CNTNAP2: variants seen among roughly 807,000 people sequenced by gnomAD.
The protein encoded by CNTNAP2 is contactin-associated protein-like 2.
A neutral mutation model predicts 155.2 loss-of-function variants in CNTNAP2; 98 were observed. The ratio of observed to expected loss-of-function variants is 0.63; its 90% CI spans 0.54 to 0.75. CNTNAP2 has a LOEUF of 0.75. CNTNAP2 is among the 30% of genes least tolerant of loss of function. The pLI is 0.00. For synonymous variants in CNTNAP2, 651 were observed against 631.2 expected, an observed-to-expected ratio of 1.03 and a Z score of -0.47; for missense variants, 1,727 against 1,688.1, an observed-to-expected ratio of 1.02 and a Z score of -0.40.
chr7:148,116,856 G>A (rs1234146296), intron 15 of CNTNAP2, among the ~76,000 whole-genome samples: 1 of 152,152 alleles, frequency 6.6e-6, no homozygotes, highest in African/African-American at 2.4e-5. Context: ...GATTCATTGT[G>A]CCTTTTGGAG....
intron 1 of CNTNAP2, among the ~76,000 whole-genome samples, chr7:146,712,336 T>TAGTATACATATCTTATGTATACTATAG (rs1801106738): frequency 1.6e-5 from 2 of 122,822 alleles, no homozygotes; most frequent in East Asian, 4.1e-4. Context: ...GTATACTATA[T>TAGTATACATATCTTATGTATACTATAG]AGTATACATA....
chr7:146,197,610 A>G (rs1220133516), intron 1 of CNTNAP2, among the ~76,000 whole-genome samples: 1 of 152,216 alleles, frequency 6.6e-6, no homozygotes, highest in Non-Finnish European at 1.5e-5. Context: ...CTTAAAATTT[A>G]AGTATAACTT....
At chr7:147,671,110 G>A (rs1584890779) in intron 13 of CNTNAP2, among the ~76,000 whole-genome samples, 1 of 152,222 alleles carries the variant, frequency 6.6e-6, no homozygotes, top group African/African-American at 2.4e-5. Context: ...GCGGATCCGA[G>A]TGAGTGGAGC....
chr7:146,870,622 A>G (rs1795287295), intron 3 of CNTNAP2, among the ~76,000 whole-genome samples: 1 of 152,186 alleles, frequency 6.6e-6, no homozygotes, highest in African/African-American at 2.4e-5. Flanking sequence ...CTGTGTGGAA[A>G]TCAGAGGCTG....
intron 13 of CNTNAP2, among the ~76,000 whole-genome samples, chr7:147,839,271 C>G (rs1015283536): frequency 6.6e-6 from 1 of 152,180 alleles, no homozygotes; most frequent in African/African-American, 2.4e-5. Flanking sequence ...CCCTCACAGA[C>G]ATACCCAGGA....
intron 1 of CNTNAP2, among the ~76,000 whole-genome samples, chr7:146,685,181 A>G (rs1178684475): frequency 6.6e-6 from 1 of 152,180 alleles, no homozygotes; most frequent in Non-Finnish European, 1.5e-5. Flanking sequence ...ACGAGTTGAC[A>G]TAAAAGAATG....
intron 13 of CNTNAP2, among the ~76,000 whole-genome samples, chr7:147,763,012 A>G (rs774368698): frequency 1.3e-5 from 2 of 152,140 alleles, no homozygotes; most frequent in Non-Finnish European, 1.5e-5. Flanking sequence ...TAATCCTAGC[A>G]TTTTGGGAGG....
intron 9 of CNTNAP2, among the ~76,000 whole-genome samples, chr7:147,306,523 G>T (rs1795029511): frequency 6.6e-6 from 1 of 152,132 alleles, no homozygotes; most frequent in Non-Finnish European, 1.5e-5. Context: ...ATAAGAGAGA[G>T]AACTTATCTC....
At chr7:146,754,219 C>G (rs980456793) in intron 1 of CNTNAP2, among the ~76,000 whole-genome samples, 5 of 151,892 alleles carry the variant, frequency 3.3e-5, no homozygotes, top group African/African-American at 1.2e-4. Context: ...CTATTTCTTC[C>G]AGAGACATTT....
At position 148,093,792 on chromosome 7, in the gene CNTNAP2, TGAGA is replaced by T. The variant is rs927242447; in HGVS notation, c.2384-24320_2384-24317del. Among the ~76,000 whole-genome samples the T allele has an allele frequency of 6.6e-5, 10 of 152,290 alleles. 1 individual carries two copies. The highest frequency in any genetic ancestry group is 2.0e-4 in the Admixed American group (3 of 15,294). Reference sequence around the variant, plus strand: ...AGTATTATTTTTTCTTTCTTTCTTTTGAGAGAGAGTCTCACTCTGTCACCCAGGC... The same window carrying T: ...AGTATTATTTTTTCTTTCTTTCTTTTGAGAGTCTCACTCTGTCACCCAGGC... On this transcript the variant is annotated intron_variant, in intron 15 of 23. Coordinates refer to ENST00000361727, the MANE Select transcript of CNTNAP2 (RefSeq NM_014141.6).
At chr7:147,913,558 A>G (rs1374956349) in intron 14 of CNTNAP2, among the ~76,000 whole-genome samples, 1 of 152,224 alleles carries the variant, frequency 6.6e-6, no homozygotes, top group Non-Finnish European at 1.5e-5. Flanking sequence ...AACATGGACA[A>G]TGGATATTTA....
At chr7:147,692,436 A>G (rs890156246) in intron 13 of CNTNAP2, among the ~76,000 whole-genome samples, 4 of 152,128 alleles carry the variant, frequency 2.6e-5, no homozygotes, top group Admixed American at 1.3e-4. Flanking sequence ...ACCAAAAACT[A>G]TCTTCCAAAG....
chr7:147,330,660 A>G (rs187365994), intron 9 of CNTNAP2, among the ~76,000 whole-genome samples: 5 of 152,316 alleles, frequency 3.3e-5, no homozygotes, highest in Admixed American at 2.0e-4. Context: ...TCCCAAACTT[A>G]TAACATCCTT....
chr7:148,155,854 C>A (rs1193250270), intron 17 of CNTNAP2, among the ~76,000 whole-genome samples: 3 of 152,154 alleles, frequency 2.0e-5, no homozygotes, highest in African/African-American at 7.2e-5. Context: ...CGTCCCCTGA[C>A]TGAGATGACC....
chr7:147,518,234 C>G (rs952891384), intron 11 of CNTNAP2, among the ~76,000 whole-genome samples: 16 of 152,128 alleles, frequency 1.1e-4, no homozygotes, highest in African/African-American at 3.6e-4. Flanking sequence ...AACAACTAAA[C>G]TTTCTAGATA....
intron 8 of CNTNAP2, among the ~76,000 whole-genome samples, chr7:147,218,627 G>T (rs917601166): frequency 3.3e-5 from 5 of 151,606 alleles, no homozygotes; most frequent in African/African-American, 1.2e-4. Flanking sequence ...ATTTGTCAAG[G>T]TGTGTTTTAT....
chr7:146,979,513 C>G (rs2129236217), intron 3 of CNTNAP2, among the ~76,000 whole-genome samples: 1 of 152,206 alleles, frequency 6.6e-6, no homozygotes, highest in Admixed American at 6.5e-5. Context: ...TCCATTATTA[C>G]AATTTAAGGT....
rs1386433542 is a variant in CNTNAP2 at position 147,933,471 on chromosome 7, A to G, written c.2255+29750A>G. On this transcript the variant is annotated intron_variant, in intron 14 of 23. Coordinates refer to ENST00000361727, the MANE Select transcript of CNTNAP2 (RefSeq NM_014141.6). ...TACAGAAAATATGGTATATATGTAT[A>G]TATGAATGGATACAGAAAATGTGAG... is the stretch of plus-strand genomic sequence containing the variant. Among the ~76,000 whole-genome samples, 6 of 151,522 alleles carry G rather than the reference A, an allele frequency of 4.0e-5. 1 individual carries two copies. The South Asian group carries it at 8.3e-4, about 21-fold the overall frequency.
chr7:147,574,123 T>C (rs1563003806), intron 12 of CNTNAP2, among the ~76,000 whole-genome samples: 1 of 152,182 alleles, frequency 6.6e-6, no homozygotes, highest in Non-Finnish European at 1.5e-5. Flanking sequence ...TGCTTTTCAT[T>C]GTGGTTTTAA....
Sources: gnomAD v4.1 joint callset for allele counts (sites outside exome capture counted in the v4.1 genomes callset) on GRCh38, gnomAD v4.1.1 for gene constraint, MANE v1.5 for transcripts, NCBI Gene and HGNC (gene_info 2026-07-23, HGNC 2026-07-21) for gene names.